The following EPM2A variants were observed in gnomAD, a reference collection of about 807,000 sequenced individuals.
The protein encoded by EPM2A is EPM2A glucan phosphatase, laforin.
A neutral mutation model predicts 26.5 loss-of-function variants in EPM2A; 21 were observed. The observed-to-expected ratio is 0.79, with a 90% CI of 0.56 to 1.14. The LOEUF (loss-of-function observed/expected upper bound fraction) is 1.14, where lower values mean the gene tolerates loss of function less well. Among genes scored for constraint, EPM2A ranks in the 50% most tolerant of loss-of-function variants. EPM2A has a pLI of 0.00. For missense variants in EPM2A, 458 were observed against 440.8 expected (o/e 1.04, Z -0.35); for synonymous variants, 217 against 177.6 (o/e 1.22, Z -1.76).
At chr6:145,386,076 AAATTC>A (rs528372809) in intron 4 of EPM2A, among the ~76,000 whole-genome samples, 160 of 152,260 alleles carry the variant, frequency 1.1e-3, no homozygotes, top group Non-Finnish European at 1.8e-3. Context: ...CTTTAGTACT[AAATTC>A]AATAGAATAT....
At chr6:145,452,604 G>C (rs147318835) in intron 4 of EPM2A, among the ~76,000 whole-genome samples, 5 of 149,174 alleles carry the variant, frequency 3.4e-5, no homozygotes, top group Non-Finnish European at 7.4e-5. Context: ...CCCAGGAGAC[G>C]GAGCTTGCAG....
intron 4 of EPM2A, among the ~76,000 whole-genome samples, chr6:145,478,181 T>G (rs1779565161): frequency 6.6e-6 from 1 of 151,798 alleles, no homozygotes; most frequent in African/African-American, 2.4e-5. Context: ...CCATTTACAA[T>G]AGCCACACAT....
chr6:145,457,849 C>T (rs139295225), intron 4 of EPM2A, among the ~76,000 whole-genome samples: 27 of 152,284 alleles, frequency 1.8e-4, no homozygotes, highest in African/African-American at 6.0e-4. Flanking sequence ...TGTCAAGATA[C>T]AGTTGTCTGA....
At position 145,457,700 on chromosome 6, in the gene EPM2A, T is replaced by A. The variant is rs187524606; in HGVS notation, c.555+44822A>T. On this transcript the variant is annotated intron_variant, in intron 4 of 4. Transcript: ENST00000638717. ...GAAATGAGATGACATACAGAGGCAGTCAGATGGGTAAATGGCAGGGACTGG... is the reference window on the plus strand; with the variant it reads ...GAAATGAGATGACATACAGAGGCAGACAGATGGGTAAATGGCAGGGACTGG... 1.4e-4 allele frequency among the ~76,000 whole-genome samples: 21 copies of A among 152,108 alleles called. No homozygotes were observed. The East Asian group carries it at 2.5e-3, about 18-fold the overall frequency.
At chr6:145,530,330 G>C (rs1486015551) in intron 2 of EPM2A, among the ~76,000 whole-genome samples, 2 of 152,090 alleles carry the variant, frequency 1.3e-5, no homozygotes, top group East Asian at 3.9e-4. Context: ...TGAATTTAAG[G>C]GTTTTAAAGT....
intron 2 of EPM2A, among the ~76,000 whole-genome samples, chr6:145,566,012 A>G (rs1357667725): frequency 1.3e-5 from 2 of 152,204 alleles, no homozygotes; most frequent in Non-Finnish European, 2.9e-5. Context: ...TGAGGTTAGG[A>G]ACAAAAATGA....
At chr6:145,715,380 C>G (rs189892953) in intron 1 of EPM2A, among the ~76,000 whole-genome samples, 3 of 152,246 alleles carry the variant, frequency 2.0e-5, no homozygotes, top group Non-Finnish European at 2.9e-5. Context: ...AACAAAGGAC[C>G]TGGAGAGAAC....
intron 4 of EPM2A, among the ~76,000 whole-genome samples, chr6:145,460,829 T>G (rs1407341389): frequency 6.6e-6 from 1 of 152,148 alleles, no homozygotes; most frequent in African/African-American, 2.4e-5. Context: ...AAATCCCCAA[T>G]GTAATCAGTT....
At chr6:145,590,480 T>C (rs1238406634) in intron 2 of EPM2A, among the ~76,000 whole-genome samples, 1 of 151,872 alleles carries the variant, frequency 6.6e-6, no homozygotes, top group African/African-American at 2.4e-5. Flanking sequence ...AAGCCAATAA[T>C]ACAGGCCCAC....
chr6:145,395,175 A>G (rs1322159211), intron 4 of EPM2A, among the ~76,000 whole-genome samples: 1 of 152,118 alleles, frequency 6.6e-6, no homozygotes, highest in East Asian at 1.9e-4. Context: ...GACTTACTAC[A>G]GAGCTTGCGT....
At chr6:145,665,828 G>A (rs1208438143) in intron 2 of EPM2A, among the ~76,000 whole-genome samples, 1 of 139,576 alleles carries the variant, frequency 7.2e-6, no homozygotes, top group South Asian at 2.5e-4. Flanking sequence ...GATCAAGTGG[G>A]CTTCATCCCT....
chr6:145,685,053 T>A (rs1399628328), intron 2 of EPM2A, among the ~76,000 whole-genome samples: 2 of 152,294 alleles, frequency 1.3e-5, no homozygotes, highest in East Asian at 1.9e-4. Context: ...TGAGAATGCA[T>A]CTCCTTGTGT....
Position 145,635,249 on chromosome 6 carries a change from G to A in EPM2A, c.714C>T (p.Thr238=), listed in dbSNP as rs762653955. ...CAGAACAGTTCTGATCCTTACCTTC[G>A]GTGCTCATATCTGGTGTTGGCATCC... is the stretch of plus-strand genomic sequence containing the variant. ...YIWMPTPDMS[T]EGRVQMLPQA... Residue 238 remains threonine, a synonymous_variant, in exon 3 of 4, where the codon ACC becomes ACT. Coordinates refer to ENST00000367519, the MANE Select transcript of EPM2A (RefSeq NM_005670.4). 6.2e-6 allele frequency: 10 copies of A among 1,613,998 alleles called. 1 individual carries two copies. The highest frequency in any genetic ancestry group is 3.3e-5 in the South Asian group (3 of 91,074).
intron 4 of EPM2A, among the ~76,000 whole-genome samples, chr6:145,474,180 G>A (rs747829607): frequency 1.3e-5 from 2 of 152,082 alleles, no homozygotes; most frequent in African/African-American, 4.8e-5. Context: ...AGTGGGTATG[G>A]GACCAGCGTG....
Position 145,478,237 on chromosome 6 carries a change from T to A in EPM2A, c.555+24285A>T, listed in dbSNP as rs571751367. On this transcript the variant is annotated intron_variant, in intron 4 of 4. Coordinates refer to the EPM2A transcript ENST00000638717. ...TAACCAAAGAAGTGAATGATCTCTA[T>A]AATAAAAACTATAAAACCCTGATGA... Among the ~76,000 whole-genome samples, 44 of 151,810 alleles carry A rather than the reference T, an allele frequency of 2.9e-4. 2 individuals carry two copies. The South Asian group carries it at 8.9e-3, about 31-fold the overall frequency.
At chr6:145,523,870 GATCTTAT>G (rs1780235750) in intron 2 of EPM2A, among the ~76,000 whole-genome samples, 2 of 152,048 alleles carry the variant, frequency 1.3e-5, no homozygotes, top group African/African-American at 4.8e-5. Flanking sequence ...GGATACGAAT[GATCTTAT>G]GACCCAGGTA....
intron 4 of EPM2A, among the ~76,000 whole-genome samples, chr6:145,472,337 G>C (rs1451839630): frequency 6.6e-6 from 1 of 151,842 alleles, no homozygotes; most frequent in Non-Finnish European, 1.5e-5. Context: ...CAAATAATCA[G>C]CTGTGGTGGC....
At chr6:145,665,696 G>A (rs1283044112) in intron 2 of EPM2A, among the ~76,000 whole-genome samples, 2 of 140,952 alleles carry the variant, frequency 1.4e-5, no homozygotes, top group African/African-American at 2.7e-5. Flanking sequence ...CCAAAGCCAG[G>A]CAGAGACACA....
chr6:145,653,445 C>T lies in EPM2A; in HGVS notation c.477-17959G>A, dbSNP rs141998709. Among the ~76,000 whole-genome samples the T allele has an allele frequency of 2.4e-3, 371 of 152,318 alleles. 4 individuals are homozygous for T. The highest frequency in any genetic ancestry group is 8.4e-3 in the African/African-American group (348 of 41,570). On this transcript the variant is annotated intron_variant, in intron 2 of 3. Coordinates refer to ENST00000367519, the MANE Select transcript of EPM2A (RefSeq NM_005670.4). ...CAGGTGGAACTGTGAGTCAATTAAA[C>T]CTTTTTTCTTTATAAATTAGCCAGT...
Sources: allele counts gnomAD v4.1 joint callset (sites outside exome capture counted in the v4.1 genomes callset), GRCh38; gene constraint gnomAD v4.1.1; transcripts MANE v1.5; gene names NCBI Gene and HGNC (gene_info 2026-07-23, HGNC 2026-07-21).